RIMS2: variants seen among roughly 807,000 people sequenced by gnomAD.
RIMS2 encodes the protein regulating synaptic membrane exocytosis protein 2.
Under a neutral mutation model 174.4 loss-of-function variants are expected in RIMS2, and 59 were observed. That is an observed-to-expected ratio of 0.34 (90% CI 0.27 to 0.42). The LOEUF (loss-of-function observed/expected upper bound fraction) is 0.42. Among genes scored for constraint, RIMS2 ranks in the 10% least tolerant of loss-of-function variants. The pLI, the probability that RIMS2 is intolerant of heterozygous loss-of-function variation, is 1.00. For missense variants in RIMS2, 1,620 were observed against 1,666.3 expected (o/e 0.97, Z 0.48); for synonymous variants, 606 against 572.5 (o/e 1.06, Z -0.84).
chr8:103,893,714 A>T (rs1192783583), intron 4 of RIMS2, among the ~76,000 whole-genome samples: 1 of 152,124 alleles, frequency 6.6e-6, no homozygotes, highest in African/African-American at 2.4e-5. Flanking sequence ...ATTTAAACAC[A>T]GCCAACCCAG....
intron 1 of RIMS2, among the ~76,000 whole-genome samples, chr8:103,606,902 C>A (rs1400721065): frequency 6.6e-6 from 1 of 151,440 alleles, no homozygotes; most frequent in Non-Finnish European, 1.5e-5. Context: ...TGTCTCTGCA[C>A]GTGAGATGGG....
At chr8:103,796,154 A>T (rs769579364) in intron 3 of RIMS2, among the ~76,000 whole-genome samples, 1 of 151,988 alleles carries the variant, frequency 6.6e-6, no homozygotes, top group Non-Finnish European at 1.5e-5. Flanking sequence ...TTTCAACTTT[A>T]TTTACTGCTC....
intron 19 of RIMS2, among the ~76,000 whole-genome samples, chr8:104,140,477 A>G (rs1370266098): frequency 2.0e-5 from 3 of 152,080 alleles, no homozygotes; most frequent in South Asian, 2.1e-4. Flanking sequence ...CTCATGTCTT[A>G]TTTATTGTTC....
At chr8:103,667,553 T>C (rs961225650) in intron 1 of RIMS2, among the ~76,000 whole-genome samples, 10 of 152,178 alleles carry the variant, frequency 6.6e-5, no homozygotes, top group Admixed American at 2.0e-4. Context: ...GAACACGTTG[T>C]TTTTCATCTT....
intron 3 of RIMS2, among the ~76,000 whole-genome samples, chr8:103,836,386 A>G (rs928954109): frequency 2.0e-5 from 3 of 152,062 alleles, no homozygotes; most frequent in Admixed American, 6.6e-5. Context: ...CCCCTTCTTT[A>G]CAAAAACAAG....
chr8:103,642,163 T>C (rs12707787), intron 1 of RIMS2, among the ~76,000 whole-genome samples: 27,698 of 152,134 alleles, frequency 0.18, 2,772 homozygotes, highest in African/African-American at 0.26. Context: ...TTTTGCTTTA[T>C]TTTAGCATTT....
intron 1 of RIMS2, among the ~76,000 whole-genome samples, chr8:103,687,970 A>T (rs7838295): frequency 0.18 from 26,746 of 152,106 alleles, 2,553 homozygotes; most frequent in African/African-American, 0.23. Flanking sequence ...TGCAATGAAC[A>T]TAGGAATATG....
In RIMS2 at chr8:103,568,919, G is replaced by A. The variant is rs1038730669; in HGVS notation, c.176+67857G>A. 27 of 957,050 alleles carry A rather than the reference G, an allele frequency of 2.8e-5. No individual in the cohort carries two copies. The African/African-American group carries it at 3.7e-4, about 13-fold the overall frequency. 59.3% of individuals were successfully genotyped at this position (957,050 alleles called of 1,614,324 possible). A position where few individuals can be genotyped will look rare whatever the true frequency, so the allele number is the denominator to read the frequency against. ...GACCACATTGCTGCAACACATCAGT[G>A]GCATTGCAAAACTGATCTGAAAGCG... On this transcript the variant is annotated intron_variant, in intron 1 of 23. Transcript: ENST00000504942.
intron 2 of RIMS2, among the ~76,000 whole-genome samples, chr8:103,709,817 A>T (rs934910152): frequency 4.0e-5 from 6 of 151,770 alleles, no homozygotes; most frequent in Non-Finnish European, 7.4e-5. Flanking sequence ...CTGTCTCTTT[A>T]TATGTTGAGG....
At chr8:103,776,412 A>C (rs1328303286) in intron 3 of RIMS2, among the ~76,000 whole-genome samples, 4 of 152,054 alleles carry the variant, frequency 2.6e-5, no homozygotes, top group Non-Finnish European at 2.9e-5. Context: ...GGGAGACTAT[A>C]AGGTTGTTGG....
At chr8:103,515,898 A>G (rs1828731155) in intron 1 of RIMS2, among the ~76,000 whole-genome samples, 1 of 152,072 alleles carries the variant, frequency 6.6e-6, no homozygotes, top group African/African-American at 2.4e-5. Flanking sequence ...TCAGTTATTA[A>G]CTTAATACTG....
intron 1 of RIMS2, among the ~76,000 whole-genome samples, chr8:103,642,084 TTGTAAC>T (rs1336031462): frequency 6.6e-6 from 1 of 152,188 alleles, no homozygotes; most frequent in Non-Finnish European, 1.5e-5. Flanking sequence ...GTTACTGTGT[TTGTAAC>T]TGTGTTGCAT....
At chr8:103,593,067 T>A (rs1007460190) in intron 1 of RIMS2, among the ~76,000 whole-genome samples, 4 of 151,510 alleles carry the variant, frequency 2.6e-5, no homozygotes, top group African/African-American at 9.7e-5. Flanking sequence ...AGACATTTTC[T>A]TGAAATTGAA....
chr8:104,104,882 G>GAAA (rs199647482), intron 19 of RIMS2, among the ~76,000 whole-genome samples: 51 of 116,532 alleles, frequency 4.4e-4, no homozygotes, highest in Admixed American at 9.9e-4. Flanking sequence ...CCTGTCTCAA[G>GAAA]AAAAAAAAAA....
At chr8:104,028,101 T>A (rs2096295198) in intron 19 of RIMS2, among the ~76,000 whole-genome samples, 1 of 151,090 alleles carries the variant, frequency 6.6e-6, no homozygotes, top group Admixed American at 6.6e-5. Flanking sequence ...GGCTAATTTT[T>A]AAAAGTTTTT....
chr8:103,997,364 T>C (rs2095169148), intron 17 of RIMS2, among the ~76,000 whole-genome samples: 1 of 151,842 alleles, frequency 6.6e-6, no homozygotes, highest in African/African-American at 2.4e-5. Context: ...TTTAAATGTA[T>C]GTTTACTTTA....
intron 19 of RIMS2, among the ~76,000 whole-genome samples, chr8:104,161,553 A>G (rs2098761361): frequency 6.6e-6 from 1 of 152,244 alleles, no homozygotes; most frequent in Non-Finnish European, 1.5e-5. Context: ...AAGAAAGACT[A>G]GAGATCAAGA....
intron 19 of RIMS2, among the ~76,000 whole-genome samples, chr8:104,234,024 T>C (rs895051716): frequency 2.0e-5 from 3 of 152,186 alleles, no homozygotes; most frequent in Non-Finnish European, 2.9e-5. Context: ...TGCATAGTTT[T>C]TTTTCTGGAG....
At chr8:103,992,691 C>T (rs2094805703) in intron 17 of RIMS2, among the ~76,000 whole-genome samples, 1 of 152,042 alleles carries the variant, frequency 6.6e-6, no homozygotes, top group African/African-American at 2.4e-5. Context: ...TTTATTAGGT[C>T]TTTGTTTCTC....
Sources: allele counts gnomAD v4.1 joint callset (sites outside exome capture counted in the v4.1 genomes callset), GRCh38; gene constraint gnomAD v4.1.1; transcripts MANE v1.5; gene names NCBI Gene and HGNC (gene_info 2026-07-23, HGNC 2026-07-21).